SBDS: variants seen among roughly 807,000 people sequenced by gnomAD.
The protein encoded by SBDS is SBDS ribosome maturation factor.
SBDS carries 20 observed loss-of-function variants against 26.4 expected under a neutral mutation model. That is an observed-to-expected ratio of 0.76 (90% CI 0.53 to 1.10). The LOEUF (loss-of-function observed/expected upper bound fraction) is 1.10, where lower values mean the gene tolerates loss of function less well. Among genes scored for constraint, SBDS ranks in the 50% least tolerant of loss-of-function variants. The pLI, the probability that SBDS is intolerant of heterozygous loss-of-function variation, is 0.00. For synonymous variants in SBDS, 95 were observed against 105.1 expected (o/e 0.90, Z 0.59); for missense variants, 241 against 302.0 (o/e 0.80, Z 1.50).
chr7:66,994,019 CAAA>C (rs66521756), intron 2 of SBDS, among the ~76,000 whole-genome samples, 190 bp downstream of exon 2: 37 of 81,692 alleles, frequency 4.5e-4, no homozygotes, highest in African/African-American at 5.8e-4. Flanking sequence ...GAGGTTTTGG[CAAA>C]AAAAAAAAAA....
chr7:66,988,903 A>AT (rs993235105), intron 4 of SBDS, among the ~76,000 whole-genome samples: 207 of 151,176 alleles, frequency 1.4e-3, no homozygotes, highest in African/African-American at 4.7e-3. Flanking sequence ...ATGTTAATTT[A>AT]TTTTTTTTTG....
intron 1 of SBDS, among the ~76,000 whole-genome samples, chr7:66,994,911 T>G (rs1053158290): frequency 3.7e-4 from 56 of 152,234 alleles, no homozygotes; most frequent in African/African-American, 1.2e-3. Context: ...CACTACGCAC[T>G]TTAAACTGCT....
rs566471212 is a variant in SBDS, at chr7:66,989,401, TG to T, written c.625-903del. Among the ~76,000 whole-genome samples the T allele has an allele frequency of 6.1e-3, 919 of 151,054 alleles. 6 individuals are homozygous for T. Among genetic ancestry groups the T allele is most frequent in the Admixed American group, 0.014 (207 of 15,122 alleles). ...TCTCTACTAAAAATACAAAATTAGC[TG>T]GGCGAGGTGGCACATGCCTGTAATC... On this transcript the variant is annotated intron_variant, in intron 4 of 4. Transcript: ENST00000246868.
intron 3 of SBDS, among the ~76,000 whole-genome samples, chr7:66,992,643 C>T (rs191048202): frequency 0.01 from 1,592 of 151,918 alleles, 21 homozygotes; most frequent in Middle Eastern, 0.024. Flanking sequence ...CCTTTTCCTC[C>T]ATCTCTTCCC....
Position 66,988,219 on chromosome 7 carries a change from T to G in SBDS, c.*152A>C. ...CCAAATCATTCCCACATTATTATAC[T>G]TATGTAGGAAAGCCTTGCTGTGTCC... On this transcript the variant is annotated 3_prime_UTR_variant, in exon 5 of 5. Transcript: ENST00000246868. 1 of 796,160 alleles carries G rather than the reference T, an allele frequency of 1.3e-6. No individual in the cohort carries two copies. Among genetic ancestry groups the G allele is most frequent in the Admixed American group, 2.3e-5 (1 of 42,910 alleles). The allele number at this position is 796,160 out of a possible 1,614,324, so 49.3% of individuals were successfully genotyped here.
intron 4 of SBDS, 99 bp from the exon 5 acceptor site, chr7:66,988,598 A>G: frequency 7.5e-7 from 1 of 1,337,768 alleles, no homozygotes. Flanking sequence ...TGCTGTCCAG[A>G]TCTCTAATAA....
At chr7:66,992,800 G>A (rs1207330620) in intron 3 of SBDS, among the ~76,000 whole-genome samples, 6 of 151,962 alleles carry the variant, frequency 3.9e-5, no homozygotes, top group South Asian at 2.1e-4. Flanking sequence ...CTAGGGTCAG[G>A]AGTTCAAGAC....
intron 4 of SBDS, among the ~76,000 whole-genome samples, chr7:66,990,855 A>G (rs1792961361): frequency 6.6e-6 from 1 of 152,042 alleles, no homozygotes; most frequent in African/African-American, 2.4e-5. Flanking sequence ...TCTCTACTAA[A>G]AAATACGAAA....
At chr7:66,992,445 TTA>T (rs1288575329) in intron 3 of SBDS, among the ~76,000 whole-genome samples, 1 of 152,068 alleles carries the variant, frequency 6.6e-6, no homozygotes, top group African/African-American at 2.4e-5. Context: ...TGTACATACT[TTA>T]TGAGTGTGAA....
At position 66,988,222 on chromosome 7, in the gene SBDS, T is replaced by G; in HGVS notation, c.*149A>C. On this transcript the variant is annotated 3_prime_UTR_variant, in exon 5 of 5. Coordinates refer to ENST00000246868, the MANE Select transcript of SBDS (RefSeq NM_016038.4). ...AATCATTCCCACATTATTATACTTA[T>G]GTAGGAAAGCCTTGCTGTGTCCACT... 1 of 814,416 alleles carries G rather than the reference T, an allele frequency of 1.2e-6. No individual in the cohort carries two copies. Among genetic ancestry groups the G allele is most frequent in the South Asian group, 1.6e-5 (1 of 62,606 alleles). 50.4% of individuals were successfully genotyped at this position (814,416 alleles called of 1,614,324 possible). A position where few individuals can be genotyped will look rare whatever the true frequency, so the allele number is the denominator to read the frequency against.
At position 66,987,997 on chromosome 7, in the gene SBDS, C is replaced by A. The variant is rs1792903386; in HGVS notation, c.*374G>T. 1 of 270,182 alleles carries A rather than the reference C, an allele frequency of 3.7e-6. No homozygotes were observed. The highest frequency in any genetic ancestry group is 5.8e-5 in the East Asian group (1 of 17,294). The allele number at this position is 270,182 out of a possible 1,614,324, so 16.7% of individuals were successfully genotyped here. ...TTTTCTTTTTTAGGAAAGACCCCCCCTTTTGTTGTATAGACATACCCCTAA... is the reference window on the plus strand; with the variant it reads ...TTTTCTTTTTTAGGAAAGACCCCCCATTTTGTTGTATAGACATACCCCTAA... On this transcript the variant is annotated 3_prime_UTR_variant, in exon 5 of 5. Transcript: ENST00000246868.
At position 66,988,222 on chromosome 7, in the gene SBDS, T is replaced by C. The variant is rs1792907237; in HGVS notation, c.*149A>G. On this transcript the variant is annotated 3_prime_UTR_variant, in exon 5 of 5. Coordinates refer to ENST00000246868, the MANE Select transcript of SBDS (RefSeq NM_016038.4). ...AATCATTCCCACATTATTATACTTA[T>C]GTAGGAAAGCCTTGCTGTGTCCACT... 1.2e-6 allele frequency: 1 copy of C among 814,416 alleles called. No individual in the cohort carries two copies. The highest frequency in any genetic ancestry group is 2.0e-6 in the Non-Finnish European group (1 of 505,312). 50.4% of individuals were successfully genotyped at this position (814,416 alleles called of 1,614,324 possible). A position where few individuals can be genotyped will look rare whatever the true frequency, so the allele number is the denominator to read the frequency against.
At position 66,993,320 on chromosome 7, in the gene SBDS, C is replaced by T; in HGVS notation, c.356G>A (p.Cys119Tyr). 9 of 1,614,110 alleles carry T rather than the reference C, an allele frequency of 5.6e-6. No individual in the cohort carries two copies. The highest frequency in any genetic ancestry group is 7.6e-6 in the Non-Finnish European group (9 of 1,179,968). Reference protein sequence around the residue: ...RDIATIVADKCVNPETKRPYT... With the variant: ...RDIATIVADKYVNPETKRPYT... ...TGGTCTCTTTGTTTCAGGATTCACA[C>T]ATTTGTCTGCCACAATAGTTGCAAT... is the stretch of plus-strand genomic sequence containing the variant. The change falls in exon 3 of 5, where the codon TGT becomes TAT. Residue 119 changes from cysteine (C) to tyrosine (Y), a missense_variant. Cys to Tyr is a radical substitution (Grantham distance 194, BLOSUM62 -2). Coordinates refer to ENST00000246868, the MANE Select transcript of SBDS (RefSeq NM_016038.4).
In SBDS at chr7:66,988,033, C is replaced by G; in HGVS notation, c.*338G>C. The G allele has an allele frequency of 2.5e-6, 1 of 405,674 alleles. No individual in the cohort carries two copies. The highest frequency in any genetic ancestry group is 4.6e-6 in the Non-Finnish European group (1 of 216,728). The allele number at this position is 405,674 out of a possible 1,614,324, so 25.1% of individuals were successfully genotyped here. ...TAGACATACCCCTAATAATCTTACTCTACTGTACAAATAACTTTTCACCCA... is the reference window on the plus strand; with the variant it reads ...TAGACATACCCCTAATAATCTTACTGTACTGTACAAATAACTTTTCACCCA... On this transcript the variant is annotated 3_prime_UTR_variant, in exon 5 of 5. Transcript: ENST00000246868.
Position 66,987,856 on chromosome 7 carries a change from C to T in SBDS, c.*515G>A, listed in dbSNP as rs1792900542. On this transcript the variant is annotated 3_prime_UTR_variant, in exon 5 of 5. Coordinates refer to ENST00000246868, the MANE Select transcript of SBDS (RefSeq NM_016038.4). Reference sequence around the variant, plus strand: ...TGTTCAATGAAAGGTAAGTCCGGCACAATTTTTCTATATCTGTTTCTCAGA... The same window carrying T: ...TGTTCAATGAAAGGTAAGTCCGGCATAATTTTTCTATATCTGTTTCTCAGA... The T allele has an allele frequency of 5.0e-6, 1 of 198,414 alleles. No homozygotes were observed. Among genetic ancestry groups the T allele is most frequent in the African/African-American group, 2.3e-5 (1 of 43,284 alleles). The allele number at this position is 198,414 out of a possible 1,614,324, so 12.3% of individuals were successfully genotyped here.
chr7:66,990,028 T>C (rs1792941771), intron 4 of SBDS, among the ~76,000 whole-genome samples: 1 of 151,850 alleles, frequency 6.6e-6, no homozygotes, highest in Non-Finnish European at 1.5e-5. Context: ...ATCTTTTTTT[T>C]TTTTTTTTGA....
intron 2 of SBDS, among the ~76,000 whole-genome samples, chr7:66,993,886 A>C (rs1204607890): frequency 2.1e-5 from 3 of 145,902 alleles, no homozygotes; most frequent in Non-Finnish European, 4.6e-5. Flanking sequence ...CCCCCCACCC[A>C]AAAAAAAAAG....
At chr7:66,995,213 C>A in intron 1 of SBDS, 77 bp downstream of exon 1, 3 of 1,597,028 alleles carry the variant, frequency 1.9e-6, no homozygotes, top group Non-Finnish European at 2.6e-6. Context: ...CCCATTCACT[C>A]GACTTGGGCA....
chr7:66,993,131 C>T (rs1295077302), intron 3 of SBDS, 86 bp downstream of exon 3: 2 of 1,247,654 alleles, frequency 1.6e-6, no homozygotes, highest in Non-Finnish European at 2.4e-6. Context: ...ACCATTGTGC[C>T]TGGCCCCAGA....
Sources: gnomAD v4.1 joint callset for allele counts (sites outside exome capture counted in the v4.1 genomes callset) on GRCh38, gnomAD v4.1.1 for gene constraint, MANE v1.5 for transcripts, NCBI Gene and HGNC (gene_info 2026-07-23, HGNC 2026-07-21) for gene names.